SHMT2: variants seen among roughly 807,000 people sequenced by gnomAD.
The protein encoded by SHMT2 is serine hydroxymethyltransferase 2.
A neutral mutation model predicts 59.6 loss-of-function variants in SHMT2; 38 were observed. That is an observed-to-expected ratio of 0.64 (90% confidence interval 0.49 to 0.84). The LOEUF (loss-of-function observed/expected upper bound fraction) is 0.84. Among genes scored for constraint, SHMT2 ranks in the 40% least tolerant of loss-of-function variants. The probability of loss-of-function intolerance (pLI) is 0.00; values close to 1 mark genes in which losing one functional copy is unlikely to be tolerated. For missense variants in SHMT2, 533 were observed against 659.5 expected, an observed-to-expected ratio of 0.81 and a Z score of 2.10; for synonymous variants, 254 against 258.1, an observed-to-expected ratio of 0.98 and a Z score of 0.15.
chr12:57,234,356 C>A lies in SHMT2; in HGVS notation c.1510C>A (p.His504Asn). ...RAFPMPGFDE[H>N] ...CTTCCCCATGCCTGGTTTTGATGAG[C>A]ATTGAAGGCACCTGGGAAATGAGGC... Residue 504 changes from histidine (H) to asparagine (N), a missense_variant, in exon 12 of 12, where the codon CAT becomes AAT. By Grantham distance (68) the His-to-Asn change is moderately conservative. Coordinates refer to ENST00000328923, the MANE Select transcript of SHMT2 (RefSeq NM_005412.6). 1 of 1,588,156 alleles carries A rather than the reference C, an allele frequency of 6.3e-7. No homozygotes were observed. Among genetic ancestry groups the A allele is most frequent in the South Asian group, 1.1e-5 (1 of 87,164 alleles).
At chr12:57,231,392 G>A (rs540777873) in intron 2 of SHMT2, 89 bp from the exon 3 acceptor site, 32 of 1,395,898 alleles carry the variant, frequency 2.3e-5, no homozygotes, top group African/African-American at 2.8e-5. Context: ...GAGTACTCCC[G>A]CTTTCAGCTC....
In SHMT2 at chr12:57,234,263, C is replaced by T. The variant is rs143811737; in HGVS notation, c.1417C>T (p.Leu473Phe). ...AKLQDFKSFL[L>F]KDSETSQRLA... ...GCTCCAGGATTTCAAATCCTTCCTG[C>T]TTAAGGACTCAGAAACAAGTCAGCG... Residue 473 changes from leucine (L) to phenylalanine (F), a missense_variant, in exon 12 of 12, where the codon CTT becomes TTT. Physicochemically the swap from Leu to Phe is conservative, Grantham distance 22. Coordinates refer to ENST00000328923, the MANE Select transcript of SHMT2 (RefSeq NM_005412.6). The T allele has an allele frequency of 6.2e-6, 10 of 1,613,612 alleles. No homozygotes were observed. The highest frequency in any genetic ancestry group is 8.5e-6 in the Non-Finnish European group (10 of 1,179,778).
chr12:57,229,746 G>T lies in SHMT2; in HGVS notation c.-33G>T. The T allele has an allele frequency of 6.2e-7, 1 of 1,614,006 alleles. No individual in the cohort carries two copies. Among genetic ancestry groups the T allele is most frequent in the Non-Finnish European group, 8.5e-7 (1 of 1,179,844 alleles). Reference sequence around the variant, plus strand: ...CAGCTTGCTGCCCTAGACCAGAGTTGGTGGCTGGACCTCCTGCGACTTCCG... The same window carrying T: ...CAGCTTGCTGCCCTAGACCAGAGTTTGTGGCTGGACCTCCTGCGACTTCCG... On this transcript the variant is annotated 5_prime_UTR_variant, in exon 1 of 12. Coordinates refer to ENST00000328923, the MANE Select transcript of SHMT2 (RefSeq NM_005412.6).
rs2037440203 is a variant in SHMT2 at position 57,233,916 on chromosome 12, G to A, written c.1279+12G>A. 6.2e-7 allele frequency: 1 copy of A among 1,614,208 alleles called. No individual in the cohort carries two copies. The highest frequency in any genetic ancestry group is 8.5e-7 in the Non-Finnish European group (1 of 1,180,014). Reference sequence around the variant, plus strand: ...CGGCCTGCGGCTTGGTGAGACCTGGGGTTTGAGGAGGGAAGGGGCTCCCAT... The same window carrying A: ...CGGCCTGCGGCTTGGTGAGACCTGGAGTTTGAGGAGGGAAGGGGCTCCCAT... On this transcript the variant is annotated intron_variant, in intron 10 of 11. Transcript: ENST00000328923.
In SHMT2 at chr12:57,229,716, TC is replaced by T; in HGVS notation, c.-61del. 6.2e-7 allele frequency: 1 copy of T among 1,607,012 alleles called. No individual in the cohort carries two copies. Among genetic ancestry groups the T allele is most frequent in the Non-Finnish European group, 8.5e-7 (1 of 1,173,534 alleles). On this transcript the variant is annotated 5_prime_UTR_variant, in exon 1 of 12. Coordinates refer to ENST00000328923, the MANE Select transcript of SHMT2 (RefSeq NM_005412.6). ...GCATGCGTTCTCCGAACGGTCTTCT[TC>T]CGACAGCTTGCTGCCCTAGACCAGA...
Position 57,230,988 on chromosome 12 carries a change from C to T in SHMT2, c.219C>T (p.Leu73=), listed in dbSNP as rs370017022. The T allele has an allele frequency of 1.2e-6, 2 of 1,613,340 alleles. No individual in the cohort carries two copies. The highest frequency in any genetic ancestry group is 1.1e-5 in the South Asian group (1 of 91,048). ...ACAGGCAGTGTCGTGGCCTGGAGCTCATTGCCTCAGAGGTGGGACCTGGGG... is the reference window on the plus strand; with the variant it reads ...ACAGGCAGTGTCGTGGCCTGGAGCTTATTGCCTCAGAGGTGGGACCTGGGG... The part of the protein sequence containing the change: ...EKDRQCRGLE[L]IASENFCSRA... Residue 73 remains leucine (L), a synonymous_variant, in exon 2 of 12, where the codon CTC becomes CTT. Transcript: ENST00000328923.
rs749771372 is a variant in SHMT2 at position 57,234,608 on chromosome 12, A to C, written c.*247A>C. ...CTGTTTGAACCCCTGTCATGATCAC[A>C]GTGTCAGAGACGCGTCCTCTTTCTT... On this transcript the variant is annotated 3_prime_UTR_variant, in exon 12 of 12. Coordinates refer to ENST00000328923, the MANE Select transcript of SHMT2 (RefSeq NM_005412.6). 1 of 342,522 alleles carries C rather than the reference A, an allele frequency of 2.9e-6. No individual in the cohort carries two copies. The highest frequency in any genetic ancestry group is 5.2e-6 in the Non-Finnish European group (1 of 191,546). 21.2% of individuals were successfully genotyped at this position (342,522 alleles called of 1,614,324 possible). A position where few individuals can be genotyped will look rare whatever the true frequency, so the allele number is the denominator to read the frequency against.
intron 1 of SHMT2, 193 bp from the exon 2 acceptor site, chr12:57,230,610 C>T: frequency 7.0e-7 from 1 of 1,435,142 alleles, no homozygotes; most frequent in Non-Finnish European, 9.1e-7. Flanking sequence ...CAAATCAGAA[C>T]CACCCCTTGG....
In SHMT2 at chr12:57,229,770, C is replaced by T; in HGVS notation, c.-9C>T. ...TGGTGGCTGGACCTCCTGCGACTTC[C>T]GAGTTGCGATGCTGTACTTCTCTTT... On this transcript the variant is annotated 5_prime_UTR_variant, in exon 1 of 12. Transcript: ENST00000328923. The T allele has an allele frequency of 1.2e-6, 2 of 1,614,158 alleles. No homozygotes were observed. Among genetic ancestry groups the T allele is most frequent in the Non-Finnish European group, 1.7e-6 (2 of 1,179,962 alleles).
At chr12:57,233,049 A>G in intron 7 of SHMT2, 131 bp from the exon 8 acceptor site, 1 of 1,250,880 alleles carries the variant, frequency 8.0e-7, no homozygotes, top group Non-Finnish European at 1.1e-6. Context: ...GATTCCCTCT[A>G]CCACTGGAAT....
Position 57,229,732 on chromosome 12 carries a change from C to G in SHMT2, c.-47C>G. 3 of 1,613,226 alleles carry G rather than the reference C, an allele frequency of 1.9e-6. No homozygotes were observed. Among genetic ancestry groups the G allele is most frequent in the Non-Finnish European group, 2.5e-6 (3 of 1,179,126 alleles). On this transcript the variant is annotated 5_prime_UTR_variant, in exon 1 of 12. Coordinates refer to ENST00000328923, the MANE Select transcript of SHMT2 (RefSeq NM_005412.6). ...CGGTCTTCTTCCGACAGCTTGCTGC[C>G]CTAGACCAGAGTTGGTGGCTGGACC...
At chr12:57,230,267 A>G (rs1036506009) in intron 1 of SHMT2, 123 of 1,192,708 alleles carry the variant, frequency 1.0e-4, no homozygotes, top group Non-Finnish European at 1.3e-4. Flanking sequence ...GTAAGGGGAA[A>G]GGGTATTGGC....
intron 1 of SHMT2, chr12:57,230,021 G>A (rs1379609731): frequency 1.4e-6 from 2 of 1,425,714 alleles, no homozygotes; most frequent in Non-Finnish European, 1.8e-6. Context: ...GCGATCAGAC[G>A]CCCCAGGGCC....
chr12:57,230,670 G>A (rs1592680572), intron 1 of SHMT2, 133 bp from the exon 2 acceptor site: 1 of 1,474,918 alleles, frequency 6.8e-7, no homozygotes, highest in Admixed American at 2.3e-5. Flanking sequence ...GGTGGAGGTG[G>A]GGGTAGTGAG....
At chr12:57,232,621 G>A (rs1392686549) in intron 6 of SHMT2, 46 bp downstream of exon 6, 3 of 1,613,110 alleles carry the variant, frequency 1.9e-6, no homozygotes, top group African/African-American at 2.7e-5. Context: ...AGGGGGTGGT[G>A]AGGAGGTGTG....
chr12:57,230,757 T>C, intron 1 of SHMT2, 46 bp from the exon 2 acceptor site: 1 of 1,601,424 alleles, frequency 6.2e-7, no homozygotes, highest in Non-Finnish European at 8.5e-7. Context: ...CGGGAGACGA[T>C]TTGTCTGGAC....
chr12:57,233,899 G>T lies in SHMT2; in HGVS notation c.1274G>T (p.Arg425Leu). 2 of 1,614,208 alleles carry T rather than the reference G, an allele frequency of 1.2e-6. No individual in the cohort carries two copies. The highest frequency in any genetic ancestry group is 1.7e-6 in the Non-Finnish European group (2 of 1,180,044). The change falls in exon 10 of 12, where the codon CGG becomes CTG. Residue 425 changes from arginine (R) to leucine (L), a missense_variant. Coordinates refer to ENST00000328923, the MANE Select transcript of SHMT2 (RefSeq NM_005412.6). ...DRSAITPGGLRLGAPALTSRQ... is the reference protein window; with the variant it reads ...DRSAITPGGLLLGAPALTSRQ... ...AGTGCCATCACACCGGGCGGCCTGC[G>T]GCTTGGTGAGACCTGGGGTTTGAGG...
intron 1 of SHMT2, 168 bp from the exon 2 acceptor site, chr12:57,230,635 C>A: frequency 6.9e-7 from 1 of 1,448,242 alleles, no homozygotes. Context: ...TGATCTCAAG[C>A]TTGGCTCCAG....
chr12:57,230,180 G>T (rs1170641719), intron 1 of SHMT2: 1 of 1,295,826 alleles, frequency 7.7e-7, no homozygotes, highest in East Asian at 4.7e-5. Context: ...TGATGCAACC[G>T]AGCTTCACTG....
Sources: gnomAD v4.1 joint callset for allele counts on GRCh38, gnomAD v4.1.1 for gene constraint, MANE v1.5 for transcripts, NCBI Gene and HGNC (gene_info 2026-07-23, HGNC 2026-07-21) for gene names.